Variants in TEX13C observed in about 807,000 individuals in gnomAD.
TEX13C encodes the protein testis-expressed protein 13C.
For synonymous variants in TEX13C, 219 were observed against 116.6 expected, an observed-to-expected ratio of 1.88 and a Z score of -5.65; for missense variants, 480 against 298.7, an observed-to-expected ratio of 1.61 and a Z score of -4.47.
At chrX:125,320,111 G>A (rs1187914085), upstream of TEX13C, 14 of 466,431 alleles carry the variant, frequency 3.0e-5, no homozygotes, top group Middle Eastern at 3.4e-4. Context: ...TGACTAGGCC[G>A]CAGCCGCCAT....
exon 1 of TEX13C, chrX:125,322,517 G>T (rs1569520632): frequency 1.9e-6 from 1 of 514,180 alleles, no homozygotes; most frequent in Non-Finnish European, 3.5e-6. Flanking sequence ...GAAAGTGCCA[G>T]TGGTGCCCCA....
At chrX:125,324,859 TGAA>T (rs1424264603) in exon 1 of TEX13C, 5 of 112,262 alleles carry the variant, frequency 4.5e-5, no homozygotes, top group Non-Finnish European at 7.5e-5. Flanking sequence ...CAGCAGTGGA[TGAA>T]GAACAAAATG....
rs778856273 is a variant in TEX13C at position 125,321,554 on chromosome X, A to T, written c.1435A>T (p.Ser479Cys). ...CCAGGGCACAGCTCCCCTGATGTAT[A>T]GCAGGAGGCACAGCCAGAAGAAAGT... Residue 479 changes from serine to cysteine, a missense_variant, in exon 1 of 1, where the codon AGC (serine) becomes TGC (cysteine). Transcript: ENST00000632600. The T allele has an allele frequency of 1.2e-5, 6 of 511,687 alleles. No individual in the cohort carries two copies. In the South Asian group the frequency reaches 1.5e-4, roughly 13 times the overall value. 42.2% of individuals were successfully genotyped at this position (511,687 alleles called of 1,213,427 possible).
exon 1 of TEX13C, chrX:125,323,578 G>A (rs2018868207): frequency 8.9e-6 from 1 of 111,964 alleles, no homozygotes; most frequent in South Asian, 3.8e-4. Flanking sequence ...GCTGGGAGCA[G>A]CCATGTGATT....
At chrX:125,319,913 G>T (rs900146805), upstream of TEX13C, among the ~76,000 whole-genome samples, 5 of 112,215 alleles carry the variant, frequency 4.5e-5, no homozygotes, top group Non-Finnish European at 9.4e-5. Flanking sequence ...TCGGTGTGGC[G>T]AGGAGGACCT....
At chrX:125,324,064 A>T (rs2148414734) in exon 1 of TEX13C, 1 of 112,405 alleles carries the variant, frequency 8.9e-6, no homozygotes, top group African/African-American at 3.2e-5. Context: ...TGAGAAGTTT[A>T]GGGAAAGAGT....
chrX:125,320,786 C>T, exon 1 of TEX13C: 1 of 513,736 alleles, frequency 1.9e-6, no homozygotes, highest in Admixed American at 2.6e-5. Flanking sequence ...CATGCAACCT[C>T]TTCTGCTAAT....
chrX:125,321,084 G>A lies in TEX13C; in HGVS notation c.965G>A (p.Cys322Tyr), dbSNP rs753101009. Reference sequence around the variant, plus strand: ...TGCAACCAAAAGGAAGGTTCTGAGTGTCCCCAAGGAATGACTTCCCAAGGG... The same window carrying A: ...TGCAACCAAAAGGAAGGTTCTGAGTATCCCCAAGGAATGACTTCCCAAGGG... The change falls in exon 1 of 1, where the codon TGT (cysteine) becomes TAT (tyrosine). Residue 322 changes from cysteine (C) to tyrosine (Y), a missense_variant. Cys to Tyr is a radical substitution (Grantham distance 194). Coordinates refer to ENST00000632600, the Ensembl canonical transcript of TEX13C. 7 of 515,352 alleles carry A rather than the reference G, an allele frequency of 1.4e-5. No individual in the cohort carries two copies. In the South Asian group the frequency reaches 1.7e-4, roughly 13 times the overall value. 42.5% of individuals were successfully genotyped at this position (515,352 alleles called of 1,213,427 possible).
exon 1 of TEX13C, chrX:125,321,942 A>G (rs1377024187): frequency 2.0e-6 from 1 of 499,403 alleles, no homozygotes; most frequent in African/African-American, 2.4e-5. Context: ...AGCAACAGCC[A>G]TAGCCTGAAG....
exon 1 of TEX13C, chrX:125,320,972 G>A (rs1206100331): frequency 1.9e-6 from 1 of 515,440 alleles, no homozygotes; most frequent in East Asian, 3.6e-5. Flanking sequence ...GGAGGAGACG[G>A]CCCCTCCGTG....
chrX:125,322,327 A>G (rs770443645), exon 1 of TEX13C: 1 of 468,300 alleles, frequency 2.1e-6, no homozygotes, highest in South Asian at 2.6e-5. Context: ...GCCTGAAGAA[A>G]GTGCCAGTGA....
rs747874120 is a variant in TEX13C at position 125,322,179 on chromosome X, G to T, written c.2060G>T (p.Ser687Ile). Residue 687 changes from serine (S) to isoleucine (I), a missense_variant, in exon 1 of 1, where the codon AGC becomes ATC. Physicochemically the swap from Ser to Ile is moderately radical, Grantham distance 142. Coordinates refer to ENST00000632600, the Ensembl canonical transcript of TEX13C. ...CAGGGCACAGCTCCCCTGATGTTTA[G>T]CAGGAGACACAGCCTGAAGAAAGTG... The T allele has an allele frequency of 1.9e-3, 914 of 491,503 alleles. 5 individuals carry two copies. The African/African-American group carries it at 0.021, about 11-fold the overall frequency. The allele number at this position is 491,503 out of a possible 1,213,427, so 40.5% of individuals were successfully genotyped here.
chrX:125,324,477 C>A (rs1203907137), exon 1 of TEX13C: 2 of 110,833 alleles, frequency 1.8e-5, no homozygotes, highest in Admixed American at 9.6e-5. Context: ...GCATGATCAT[C>A]ATAGCTCACT....
chrX:125,323,464 C>T (rs1195855029), exon 1 of TEX13C: 2 of 123,023 alleles, frequency 1.6e-5, no homozygotes, highest in South Asian at 6.9e-4. Flanking sequence ...TGGTTGACAC[C>T]CTGGAGAAGC....
At chrX:125,322,371 A>G (rs2018855008) in exon 1 of TEX13C, 2 of 479,317 alleles carry the variant, frequency 4.2e-6, no homozygotes, top group African/African-American at 6.5e-5. Context: ...GGGGACAGCC[A>G]CAGCCTGAAG....
At position 125,321,372 on chromosome X, in the gene TEX13C, GC is replaced by G. The variant is rs1452056086; in HGVS notation, c.1255del (p.His419ThrfsTer3). 1.9e-6 allele frequency: 1 copy of G among 515,416 alleles called. No individual in the cohort carries two copies. Among genetic ancestry groups the G allele is most frequent in the South Asian group, 2.5e-5 (1 of 40,738 alleles). 42.5% of individuals were successfully genotyped at this position (515,416 alleles called of 1,213,427 possible). The stretch of plus-strand genomic sequence containing the variant: ...ATGGTCTCCCTGGGGGACAGCAACA[GC>G]CACAGCATGAAGAAAGATCCAGTGA... On this transcript the variant is annotated frameshift_variant, in exon 1 of 1. Transcript: ENST00000632600. LOFTEE classifies it low-confidence loss of function (END_TRUNC).
chrX:125,320,289 C>T (rs760758732), exon 1 of TEX13C: 2 of 515,857 alleles, frequency 3.9e-6, no homozygotes, highest in Non-Finnish European at 7.0e-6. Flanking sequence ...GTGGCCGACC[C>T]GCGGGTGCCC....
exon 1 of TEX13C, chrX:125,324,914 T>C (rs997894961): frequency 4.5e-5 from 5 of 111,772 alleles, no homozygotes; most frequent in African/African-American, 1.3e-4. Flanking sequence ...TTATGGATGG[T>C]GTTTCTCTTG....
upstream of TEX13C, chrX:125,320,061 G>A (rs1384237798): frequency 2.4e-5 from 11 of 453,795 alleles, no homozygotes; most frequent in Admixed American, 1.8e-4. Flanking sequence ...TACCGGAAGC[G>A]GCGGCGGCAG....
Sources: gnomAD v4.1 joint callset for allele counts (sites outside exome capture counted in the v4.1 genomes callset) on GRCh38, gnomAD v4.1.1 for gene constraint, MANE v1.5 for transcripts, NCBI Gene and HGNC (gene_info 2026-07-23, HGNC 2026-07-21) for gene names.